Variants in ADAMTS20 observed in about 807,000 individuals in gnomAD.
ADAMTS20 encodes the protein A disintegrin and metalloproteinase with thrombospondin motifs 20.
A neutral mutation model predicts 260.1 loss-of-function variants in ADAMTS20; 225 were observed. The ratio of observed to expected loss-of-function variants is 0.87; its 90% CI spans 0.78 to 0.97. The LOEUF is 0.97. Ranked by LOEUF, ADAMTS20 falls within the 50% of genes least tolerant of loss-of-function variation. The pLI, the probability that ADAMTS20 is intolerant of heterozygous loss-of-function variation, is 0.00. For missense variants in ADAMTS20, 2,400 were observed against 2,337.7 expected (o/e 1.03, Z -0.55); for synonymous variants, 802 against 769.5 (o/e 1.04, Z -0.70).
chr12:43,542,790 C>G (rs1193036458), intron 2 of ADAMTS20, among the ~76,000 whole-genome samples: 1 of 152,202 alleles, frequency 6.6e-6, no homozygotes, highest in Non-Finnish European at 1.5e-5. Context: ...AGGGATTATA[C>G]TGTCAAAGAA....
At chr12:43,516,045 G>T (rs890465741) in intron 3 of ADAMTS20, among the ~76,000 whole-genome samples, 1 of 146,416 alleles carries the variant, frequency 6.8e-6, no homozygotes, top group Non-Finnish European at 1.5e-5. Flanking sequence ...CCACCCCACC[G>T]CCCCACCGCC....
intron 23 of ADAMTS20, among the ~76,000 whole-genome samples, chr12:43,430,143 T>TAAA (rs11397756): frequency 1.6e-5 from 2 of 127,494 alleles, no homozygotes; most frequent in South Asian, 2.5e-4. Context: ...AGATAAAGAG[T>TAAA]AAAAAAAAAA....
rs749540089 is a variant in ADAMTS20, at chr12:43,551,812, C to T, written c.91+19G>A. ...CGCGCCCCCACTTAGCCGCTGAAGG[C>T]GTCTCGCGGTGACTTTACCTTGCCT... is the stretch of plus-strand genomic sequence containing the variant. On this transcript the variant is annotated intron_variant, in intron 1 of 38. Transcript: ENST00000389420. The surrounding 1 kb of genome is among the most constrained non-coding windows in gnomAD (Gnocchi z 4.6). 2.5e-6 allele frequency: 4 copies of T among 1,612,284 alleles called. No homozygotes were observed. The highest frequency in any genetic ancestry group is 1.7e-6 in the Non-Finnish European group (2 of 1,178,986).
intron 16 of ADAMTS20, among the ~76,000 whole-genome samples, chr12:43,440,735 T>C (rs17093323): frequency 0.07 from 10,635 of 152,168 alleles, 944 homozygotes; most frequent in African/African-American, 0.21. Context: ...TCATCAATGG[T>C]AGGGAAAGAA....
intron 3 of ADAMTS20, among the ~76,000 whole-genome samples, chr12:43,529,034 C>T (rs534753025): frequency 1.1e-4 from 17 of 151,872 alleles, no homozygotes; most frequent in Admixed American, 1.3e-4. Flanking sequence ...ATACAAATGG[C>T]CAAACATATG....
chr12:43,461,281 G>A (rs377690493), intron 11 of ADAMTS20, among the ~76,000 whole-genome samples: 27 of 151,700 alleles, frequency 1.8e-4, no homozygotes, highest in Non-Finnish European at 2.4e-4. Context: ...ATGAGTCACC[G>A]TGCCCAGCCA....
At chr12:43,414,973 A>C (rs1174829797) in intron 28 of ADAMTS20, among the ~76,000 whole-genome samples, 2 of 152,200 alleles carry the variant, frequency 1.3e-5, no homozygotes, top group African/African-American at 4.8e-5. Flanking sequence ...ATATTAATTC[A>C]TCTATTCATA....
chr12:43,482,012 ATGGGGAGAAGGCGTTAACCCTACCCAG>A (rs1942449630), intron 7 of ADAMTS20, among the ~76,000 whole-genome samples: 1 of 152,132 alleles, frequency 6.6e-6, no homozygotes, highest in South Asian at 2.1e-4. Flanking sequence ...AATCCAGGCC[ATGGGGAGAAGGCGTTAACCCTACCCAG>A]TGCTGCAGCT....
intron 3 of ADAMTS20, 35 bp from the exon 4 acceptor site, chr12:43,502,440 T>C (rs1464270973): frequency 6.4e-7 from 1 of 1,556,098 alleles, no homozygotes; most frequent in East Asian, 2.3e-5. Flanking sequence ...GCAGAGCCAT[T>C]AAATTGGATG....
chr12:43,459,851 T>A lies in ADAMTS20; in HGVS notation c.1614+3044A>T, dbSNP rs566481536. On this transcript the variant is annotated intron_variant, in intron 11 of 38. Transcript: ENST00000389420. ...CACAAAAAATTTAAGTAATCCTTAC[T>A]CTTTTTAAAAAATAATTTGATAGAC... 2.6e-4 allele frequency among the ~76,000 whole-genome samples: 39 copies of A among 152,340 alleles called. No homozygotes were observed. In the Middle Eastern group the frequency reaches 0.01, roughly 40 times the overall value.
chr12:43,460,823 C>A (rs1279304325), intron 11 of ADAMTS20, among the ~76,000 whole-genome samples: 1 of 151,044 alleles, frequency 6.6e-6, no homozygotes, highest in South Asian at 2.1e-4. Context: ...ACGCCTGTCC[C>A]ATTCCACTCC....
chr12:43,496,630 T>G (rs1033265662), intron 4 of ADAMTS20, among the ~76,000 whole-genome samples: 7 of 152,166 alleles, frequency 4.6e-5, no homozygotes, highest in Admixed American at 6.5e-5. Context: ...ATGAGTTGAT[T>G]TTTTTTGTCT....
At chr12:43,546,440 C>T (rs2137530019) in intron 2 of ADAMTS20, among the ~76,000 whole-genome samples, 1 of 151,754 alleles carries the variant, frequency 6.6e-6, no homozygotes, top group Non-Finnish European at 1.5e-5. Flanking sequence ...GAGTTAATCC[C>T]CGAGGACCTT....
At chr12:43,511,424 G>T (rs1254041624) in intron 3 of ADAMTS20, among the ~76,000 whole-genome samples, 1 of 151,994 alleles carries the variant, frequency 6.6e-6, no homozygotes, top group African/African-American at 2.4e-5. Context: ...ATTCCCTAAA[G>T]ACTGAGAACA....
Position 43,452,672 on chromosome 12 carries a change from C to G in ADAMTS20, c.1784G>C (p.Cys595Ser). The G allele has an allele frequency of 6.2e-7, 1 of 1,608,300 alleles. No individual in the cohort carries two copies. The highest frequency in any genetic ancestry group is 8.5e-7 in the Non-Finnish European group (1 of 1,176,464). ...TCGAAATTTCATCCTGCGGCCCACA[C>G]AGTAATTTCCTCCGTTTCTTGGCCT... ...RPEPRNGGNY[C>S]VGRRMKFRSC... The change falls in exon 13 of 39, where the codon TGT becomes TCT. Residue 595 changes from cysteine (C) to serine (S), a missense_variant. Coordinates refer to ENST00000389420, the MANE Select transcript of ADAMTS20 (RefSeq NM_025003.5).
intron 11 of ADAMTS20, among the ~76,000 whole-genome samples, chr12:43,457,654 C>T (rs1222641046): frequency 2.6e-5 from 4 of 152,208 alleles, no homozygotes; most frequent in Admixed American, 6.5e-5. Context: ...TTTGAACACT[C>T]CACATCTGAT....
In ADAMTS20 at chr12:43,399,036, A is replaced by G. The variant is rs758350707; in HGVS notation, c.4452+30T>C. On this transcript the variant is annotated intron_variant, in intron 29 of 38. Coordinates refer to ENST00000389420, the MANE Select transcript of ADAMTS20 (RefSeq NM_025003.5). ...TTTCTTTTTAAATACAAAAAAATAC[A>G]TATATAATTATAAAATATACATCAT... 170 of 1,254,256 alleles carry G rather than the reference A, an allele frequency of 1.4e-4. 2 individuals are homozygous for G. The Middle Eastern group carries it at 3.0e-3, about 22-fold the overall frequency. 77.7% of individuals were successfully genotyped at this position (1,254,256 alleles called of 1,614,324 possible).
Position 43,510,251 on chromosome 12 carries a change from G to T in ADAMTS20, c.614-7846C>A, listed in dbSNP as rs867791872. Among the ~76,000 whole-genome samples the T allele has an allele frequency of 2.4e-4, 37 of 151,160 alleles. 1 individual carries two copies. Among genetic ancestry groups the T allele is most frequent in the African/African-American group, 8.3e-4 (34 of 41,126 alleles). ...AAAATTTGTATAATGAGCCTAAAAG[G>T]TATACACCCCAAACATTTAACAGTA... On this transcript the variant is annotated intron_variant, in intron 3 of 38. Transcript: ENST00000389420.
chr12:43,398,393 G>A (rs1940745130), intron 29 of ADAMTS20, among the ~76,000 whole-genome samples: 1 of 151,970 alleles, frequency 6.6e-6, no homozygotes, highest in Non-Finnish European at 1.5e-5. Context: ...TGTCAGCCAG[G>A]GTCTCATTTA....
Sources: gnomAD v4.1 joint callset for allele counts (sites outside exome capture counted in the v4.1 genomes callset) on GRCh38, gnomAD v4.1.1 for gene constraint, Gnocchi (gnomAD v3.1) non-coding constraint, MANE v1.5 for transcripts, NCBI Gene and HGNC (gene_info 2026-07-23, HGNC 2026-07-21) for gene names.